The following EHBP1 variants were observed in gnomAD, a reference collection of about 807,000 sequenced individuals.
EHBP1 encodes the protein EH domain-binding protein 1.
Under a neutral mutation model 144.0 loss-of-function variants are expected in EHBP1, and 55 were observed. The observed-to-expected ratio is 0.38, with a 90% confidence interval of 0.31 to 0.48. EHBP1 has a LOEUF of 0.48. Among genes scored for constraint, EHBP1 ranks in the 20% least tolerant of loss-of-function variants. The pLI is 0.98. For missense variants in EHBP1, 1,200 were observed against 1,364.2 expected (o/e 0.88, Z 1.90); for synonymous variants, 469 against 472.7 (o/e 0.99, Z 0.10).
At chr2:62,718,912 A>G (rs1160865387) in intron 2 of EHBP1, among the ~76,000 whole-genome samples, 1 of 152,052 alleles carries the variant, frequency 6.6e-6, no homozygotes, top group African/African-American at 2.4e-5. Context: ...TAAAGACAAG[A>G]CTGGTTTGTT....
intron 2 of EHBP1, among the ~76,000 whole-genome samples, chr2:62,743,567 T>C (rs866887680): frequency 1.6e-4 from 25 of 152,156 alleles, no homozygotes; most frequent in African/African-American, 5.1e-4. Flanking sequence ...CGAATGCTTA[T>C]TATGATTATG....
chr2:62,786,092 T>G (rs1437101300), intron 5 of EHBP1, among the ~76,000 whole-genome samples: 2 of 152,198 alleles, frequency 1.3e-5, no homozygotes, highest in Non-Finnish European at 2.9e-5. Flanking sequence ...CCACTTGTGA[T>G]TCAGTTAAAT....
At chr2:62,994,254 TA>T in intron 18 of EHBP1, 1 of 193,844 alleles carries the variant, frequency 5.2e-6, no homozygotes. Context: ...AGTATTGATC[TA>T]CTGGGAGGAT....
rs558460179 is a variant in EHBP1, at chr2:62,730,547, G to A, written c.105-16848G>A. ...TGTGCCACAGTTTATCCATTTACCT[G>A]TTGAAGGACATCTTAGTTGCTTCTA... On this transcript the variant is annotated intron_variant, in intron 2 of 22. Coordinates refer to ENST00000431489, the MANE Select transcript of EHBP1 (RefSeq NM_001142616.3). Among the ~76,000 whole-genome samples the A allele has an allele frequency of 3.9e-5, 6 of 152,176 alleles. No homozygotes were observed. The South Asian group carries it at 1.2e-3, about 32-fold the overall frequency.
At chr2:62,793,765 CTAAG>C (rs1453942117) in intron 5 of EHBP1, among the ~76,000 whole-genome samples, 3 of 151,976 alleles carry the variant, frequency 2.0e-5, no homozygotes, top group African/African-American at 7.2e-5. Context: ...ATGGAAAACA[CTAAG>C]TGTCTTTATT....
chr2:62,940,451 C>T (rs766200579), intron 10 of EHBP1, among the ~76,000 whole-genome samples: 7 of 151,952 alleles, frequency 4.6e-5, no homozygotes, highest in Non-Finnish European at 7.4e-5. Context: ...AGATATGTAC[C>T]GTTATAATCT....
chr2:62,986,584 G>A (rs977543442), intron 15 of EHBP1, among the ~76,000 whole-genome samples: 1 of 151,372 alleles, frequency 6.6e-6, no homozygotes, highest in Non-Finnish European at 1.5e-5. Flanking sequence ...GACTACAGGC[G>A]CACACCACCA....
intron 1 of EHBP1, among the ~76,000 whole-genome samples, chr2:62,696,252 C>G (rs1020142995): frequency 1.3e-5 from 2 of 150,952 alleles, no homozygotes; most frequent in Non-Finnish European, 3.0e-5. Flanking sequence ...CTCACTGCAG[C>G]CTCTTCCTCC....
intron 5 of EHBP1, among the ~76,000 whole-genome samples, chr2:62,825,832 G>A (rs1484808730): frequency 6.6e-6 from 1 of 151,884 alleles, no homozygotes; most frequent in African/African-American, 2.4e-5. Flanking sequence ...CTCCTTTTCT[G>A]GTGTTTAGGG....
In EHBP1 at chr2:62,857,341, T is replaced by C. The variant is rs1488402321; in HGVS notation, c.635-1828T>C. 2.0e-5 allele frequency among the ~76,000 whole-genome samples: 3 copies of C among 152,198 alleles called. No homozygotes were observed. The East Asian group carries it at 5.8e-4, about 29-fold the overall frequency. ...CGTAAATTCCACAAGGACAATACCA[T>C]GTTTGTTTTTGTGTCCGAAGAATAG... is the stretch of plus-strand genomic sequence containing the variant. On this transcript the variant is annotated intron_variant, in intron 7 of 22. Transcript: ENST00000431489.
chr2:62,754,929 C>T (rs1485413982), intron 3 of EHBP1, among the ~76,000 whole-genome samples: 1 of 152,332 alleles, frequency 6.6e-6, no homozygotes, highest in East Asian at 1.9e-4. Flanking sequence ...TGACACCTTG[C>T]ACTTCCCGGG....
chr2:62,739,567 G>C (rs1287428680), intron 2 of EHBP1, among the ~76,000 whole-genome samples: 1 of 152,100 alleles, frequency 6.6e-6, no homozygotes, highest in Non-Finnish European at 1.5e-5. Flanking sequence ...AAAGTATGAA[G>C]TATTATTTGA....
intron 10 of EHBP1, among the ~76,000 whole-genome samples, chr2:62,881,149 C>G: frequency 6.6e-6 from 1 of 151,892 alleles, no homozygotes; most frequent in South Asian, 2.1e-4. Context: ...AACGGAAAAC[C>G]AAATACTGCA....
chr2:62,762,990 T>A (rs552222776), intron 3 of EHBP1, among the ~76,000 whole-genome samples: 36 of 152,302 alleles, frequency 2.4e-4, no homozygotes, highest in African/African-American at 8.2e-4. Flanking sequence ...ACTGCTATCC[T>A]CTTGACCACT....
At chr2:62,811,348 T>C (rs1397070425) in intron 5 of EHBP1, among the ~76,000 whole-genome samples, 2 of 152,258 alleles carry the variant, frequency 1.3e-5, no homozygotes, top group African/African-American at 4.8e-5. Context: ...GGTCTGCTGA[T>C]GAAGCAGAGA....
intron 19 of EHBP1, among the ~76,000 whole-genome samples, chr2:63,022,690 T>C (rs1243954019): frequency 1.3e-5 from 2 of 152,210 alleles, no homozygotes; most frequent in Non-Finnish European, 2.9e-5. Flanking sequence ...TTTAACACTT[T>C]TCATAGGCCT....
At chr2:62,871,137 A>G (rs2050447435) in intron 9 of EHBP1, among the ~76,000 whole-genome samples, 4 of 152,238 alleles carry the variant, frequency 2.6e-5, no homozygotes, top group Admixed American at 2.6e-4. Flanking sequence ...ATAGCCACAC[A>G]CCTAGAATAT....
intron 5 of EHBP1, among the ~76,000 whole-genome samples, chr2:62,781,570 T>A (rs2042426190): frequency 6.6e-6 from 1 of 152,318 alleles, no homozygotes; most frequent in African/African-American, 2.4e-5. Flanking sequence ...AGATAGGAGA[T>A]TAAGTACTTT....
At chr2:62,818,811 C>T (rs2045644218) in intron 5 of EHBP1, among the ~76,000 whole-genome samples, 1 of 151,944 alleles carries the variant, frequency 6.6e-6, no homozygotes, top group Admixed American at 6.6e-5. Flanking sequence ...GGAGAAAAGG[C>T]ACAAATAAAT....
Sources: allele counts gnomAD v4.1 joint callset (sites outside exome capture counted in the v4.1 genomes callset), GRCh38; gene constraint gnomAD v4.1.1; transcripts MANE v1.5; gene names NCBI Gene and HGNC (gene_info 2026-07-23, HGNC 2026-07-21).